TRHDE: variants seen among roughly 807,000 people sequenced by gnomAD.
The protein encoded by TRHDE is thyrotropin-releasing hormone-degrading ectoenzyme.
Under a neutral mutation model 125.7 loss-of-function variants are expected in TRHDE, and 72 were observed. The observed-to-expected ratio is 0.57, with a 90% CI of 0.47 to 0.70. The LOEUF (loss-of-function observed/expected upper bound fraction) is 0.70. Ranked by LOEUF, TRHDE falls within the 30% of genes least tolerant of loss-of-function variation. The pLI, the probability that TRHDE is intolerant of heterozygous loss-of-function variation, is 0.00. For synonymous variants in TRHDE, 509 were observed against 509.1 expected (o/e 1.00, Z 0.00); for missense variants, 1,110 against 1,327.1 (o/e 0.84, Z 2.54).
intron 1 of TRHDE, among the ~76,000 whole-genome samples, chr12:72,091,584 C>T (rs61924289): frequency 0.022 from 3,349 of 152,242 alleles, 60 homozygotes; most frequent in Non-Finnish European, 0.036. Flanking sequence ...AGGGTGTGCA[C>T]GTGACCCAGG....
chr12:72,261,582 T>A (rs1009739645), intron 2 of TRHDE, among the ~76,000 whole-genome samples: 1 of 152,206 alleles, frequency 6.6e-6, no homozygotes, highest in African/African-American at 2.4e-5. Flanking sequence ...TTATTGTTCA[T>A]TAGTAAGCTC....
intron 12 of TRHDE, among the ~76,000 whole-genome samples, chr12:72,583,415 T>C (rs1019229529): frequency 6.6e-6 from 1 of 152,102 alleles, no homozygotes; most frequent in African/African-American, 2.4e-5. Flanking sequence ...ATCTCTGAGG[T>C]TGGGGATTCT....
intron 2 of TRHDE, among the ~76,000 whole-genome samples, chr12:72,259,103 T>C (rs1480000123): frequency 1.3e-5 from 2 of 152,208 alleles, no homozygotes; most frequent in African/African-American, 4.8e-5. Context: ...CCACTAATTT[T>C]AGTATTTATT....
chr12:72,216,220 A>G (rs1916131), intron 2 of TRHDE, among the ~76,000 whole-genome samples: 115,916 of 152,054 alleles, frequency 0.76, 44,458 homozygotes, highest in Non-Finnish European at 0.78. Flanking sequence ...TTTTGTGTTC[A>G]ATTCTATGAG....
intron 2 of TRHDE, among the ~76,000 whole-genome samples, chr12:72,183,772 GCA>G (rs1258024544): frequency 9.2e-5 from 14 of 152,108 alleles, no homozygotes; most frequent in African/African-American, 3.4e-4. Flanking sequence ...TTAAAACTTT[GCA>G]CAGTTTGTCT....
At chr12:72,451,590 GT>G (rs960015615) in intron 3 of TRHDE, among the ~76,000 whole-genome samples, 12 of 151,882 alleles carry the variant, frequency 7.9e-5, no homozygotes, top group Non-Finnish European at 1.6e-4. Context: ...TGTTGTTGTT[GT>G]TGTTGTTGTT....
intron 2 of TRHDE, among the ~76,000 whole-genome samples, chr12:72,188,513 A>T: frequency 6.6e-6 from 1 of 152,210 alleles, no homozygotes; most frequent in Non-Finnish European, 1.5e-5. Context: ...CAGTAAATTT[A>T]AATGCCTTCA....
At chr12:72,146,614 C>T (rs1360751145) in intron 2 of TRHDE, among the ~76,000 whole-genome samples, 2 of 152,192 alleles carry the variant, frequency 1.3e-5, no homozygotes, top group African/African-American at 4.8e-5. Context: ...GAAGGGGGAG[C>T]ACGCAGACGG....
chr12:72,437,722 T>C (rs1419829039), intron 3 of TRHDE, among the ~76,000 whole-genome samples: 1 of 151,874 alleles, frequency 6.6e-6, no homozygotes, highest in Non-Finnish European at 1.5e-5. Context: ...ATATATATAG[T>C]GGAGTAACTA....
intron 3 of TRHDE, among the ~76,000 whole-genome samples, chr12:72,455,155 G>A (rs561470380): frequency 6.6e-6 from 1 of 152,212 alleles, no homozygotes; most frequent in African/African-American, 2.4e-5. Context: ...GAAACTTAAT[G>A]TCTTTGATGT....
At chr12:72,543,725 G>C (rs1869267570) in intron 7 of TRHDE, among the ~76,000 whole-genome samples, 1 of 150,680 alleles carries the variant, frequency 6.6e-6, no homozygotes, top group Admixed American at 6.6e-5. Context: ...TTCTTCATCT[G>C]TGTGTATGGA....
chr12:72,207,014 G>T (rs959101086), intron 2 of TRHDE, among the ~76,000 whole-genome samples: 44 of 152,102 alleles, frequency 2.9e-4, no homozygotes, highest in African/African-American at 1.0e-3. Flanking sequence ...CTCTTTTAGT[G>T]TTATACACTA....
At chr12:72,127,496 T>A (rs1318539757) in intron 2 of TRHDE, among the ~76,000 whole-genome samples, 1 of 152,248 alleles carries the variant, frequency 6.6e-6, no homozygotes, top group Non-Finnish European at 1.5e-5. Flanking sequence ...CATGGACTAT[T>A]ATGCAGCCAT....
At chr12:72,527,473 G>A (rs1868355850) in intron 6 of TRHDE, among the ~76,000 whole-genome samples, 1 of 151,840 alleles carries the variant, frequency 6.6e-6, no homozygotes, top group Non-Finnish European at 1.5e-5. Context: ...GGGAAGTACA[G>A]AATCTGTTTC....
At position 72,272,906 on chromosome 12, in the gene TRHDE, C is replaced by T; in HGVS notation, c.263C>T (p.Ala88Val). 1 of 1,577,902 alleles carries T rather than the reference C, an allele frequency of 6.3e-7. No individual in the cohort carries two copies. The highest frequency in any genetic ancestry group is 1.1e-5 in the South Asian group (1 of 87,728). The change falls in exon 1 of 19, where the codon GCC (alanine) becomes GTC (valine). Residue 88 changes from alanine (A) to valine (V), a missense_variant. By Grantham distance (64) the Ala-to-Val change is moderately conservative. Around this residue, in one of 5 missense-constraint regions of TRHDE, gnomAD observed 248 missense variants for 240.8 expected, o/e 1.03. Transcript: ENST00000261180. This position sits in a 1 kb window ranked among gnomAD's most constrained non-coding sequence, Gnocchi z 6.7. ...GCCGTACACAAGCGGCTTGTGCTGG[C>T]CTTCGCTGTGTCCCTCGTGGCATTG... ...HIAVHKRLVLAFAVSLVALLA... is the reference protein window; with the variant it reads ...HIAVHKRLVLVFAVSLVALLA...
intron 12 of TRHDE, among the ~76,000 whole-genome samples, chr12:72,616,479 T>G (rs368817464): frequency 3.0e-4 from 45 of 152,226 alleles, no homozygotes; most frequent in East Asian, 1.9e-3. Context: ...GCTGGAGAGA[T>G]AAATTATTTG....
At chr12:72,435,958 T>C (rs1251471426) in intron 3 of TRHDE, among the ~76,000 whole-genome samples, 4 of 152,032 alleles carry the variant, frequency 2.6e-5, no homozygotes, top group Admixed American at 2.6e-4. Context: ...TTTTTTAACT[T>C]GTTCACATAT....
At chr12:72,373,289 G>A (rs1164581218) in intron 2 of TRHDE, among the ~76,000 whole-genome samples, 1 of 152,102 alleles carries the variant, frequency 6.6e-6, no homozygotes, top group African/African-American at 2.4e-5. Context: ...GGAGATTTCG[G>A]GCTGAGACAG....
chr12:72,430,401 G>GTATATATATGTGCATATATATACATGTA (rs1565738323), intron 3 of TRHDE, among the ~76,000 whole-genome samples: 12 of 139,112 alleles, frequency 8.6e-5, no homozygotes, highest in Non-Finnish European at 1.7e-4. Context: ...ATACACACAC[G>GTATATATATGTGCATATATATACATGTA]TATATATATG....
Sources: allele counts gnomAD v4.1 joint callset (sites outside exome capture counted in the v4.1 genomes callset), GRCh38; gene constraint gnomAD v4.1.1; regional missense constraint gnomAD v4.1.1; non-coding constraint Gnocchi (gnomAD v3.1); transcripts MANE v1.5; gene names NCBI Gene and HGNC (gene_info 2026-07-23, HGNC 2026-07-21).